CEP112: variants seen among roughly 807,000 people sequenced by gnomAD.
The protein encoded by CEP112 is centrosomal protein of 112 kDa.
Under a neutral mutation model 153.0 loss-of-function variants are expected in CEP112, and 127 were observed. The ratio of observed to expected loss-of-function variants is 0.83; its 90% CI spans 0.72 to 0.96. CEP112 has a LOEUF of 0.96. CEP112 is among the 40% of genes least tolerant of loss of function. CEP112 has a pLI of 0.00. For missense variants in CEP112, 1,089 were observed against 1,101.2 expected, an observed-to-expected ratio of 0.99 and a Z score of 0.16; for synonymous variants, 358 against 374.4, an observed-to-expected ratio of 0.96 and a Z score of 0.51.
chr17:65,879,987 A>G (rs1283528551), intron 20 of CEP112, among the ~76,000 whole-genome samples: 1 of 152,190 alleles, frequency 6.6e-6, no homozygotes, highest in Non-Finnish European at 1.5e-5. Flanking sequence ...GGAATTTTCC[A>G]GACATGGAAA....
At position 65,932,338 on chromosome 17, in the gene CEP112, G is replaced by A. The variant is rs139273768; in HGVS notation, c.1873-4649C>T. Among the ~76,000 whole-genome samples the A allele has an allele frequency of 1.3e-3, 195 of 152,148 alleles. 5 individuals are homozygous for A. In the East Asian group the frequency reaches 0.036, roughly 28 times the overall value. On this transcript the variant is annotated intron_variant, in intron 18 of 26. Transcript: ENST00000535342. ...ATCAAACGTACAGACATGAAGGTAA[G>A]TACACAAAGATTACAAAAAAAATCA...
At chr17:65,774,650 C>T (rs773890177) in intron 21 of CEP112, among the ~76,000 whole-genome samples, 1 of 152,122 alleles carries the variant, frequency 6.6e-6, no homozygotes, top group South Asian at 2.1e-4. Flanking sequence ...GTGCTGGGTG[C>T]GTAGGTGACA....
intron 21 of CEP112, among the ~76,000 whole-genome samples, chr17:65,811,377 A>C (rs2055942842): frequency 6.6e-6 from 1 of 152,140 alleles, no homozygotes; most frequent in African/African-American, 2.4e-5. Context: ...AGGGCAAAAA[A>C]CTGCTAGTGT....
At chr17:66,146,263 G>C (rs1470220757) in intron 4 of CEP112, among the ~76,000 whole-genome samples, 1 of 152,036 alleles carries the variant, frequency 6.6e-6, no homozygotes, top group Non-Finnish European at 1.5e-5. Flanking sequence ...AGATTTGTGA[G>C]GTGGTTAATT....
Position 65,961,614 on chromosome 17 carries a change from G to A in CEP112, c.1737-16C>T. On this transcript the variant is annotated splice_polypyrimidine_tract_variant and intron_variant, in intron 17 of 26. Transcript: ENST00000535342. Reference sequence around the variant, plus strand: ...CTCTTTTTCCCTAGAAAGGTTCAGAGAAGCTTCAGAGTTAAAATATAAAAG... The same window carrying A: ...CTCTTTTTCCCTAGAAAGGTTCAGAAAAGCTTCAGAGTTAAAATATAAAAG... 2.5e-6 allele frequency: 4 copies of A among 1,593,732 alleles called. No homozygotes were observed. The highest frequency in any genetic ancestry group is 1.1e-5 in the South Asian group (1 of 89,080).
chr17:65,737,611 A>G (rs232089), intron 23 of CEP112, among the ~76,000 whole-genome samples: 88,759 of 152,062 alleles, frequency 0.58, 26,474 homozygotes, highest in South Asian at 0.72. Flanking sequence ...CACACTTAAC[A>G]TAATCTCAAA....
chr17:65,681,872 G>T (rs2144249636), intron 24 of CEP112, among the ~76,000 whole-genome samples: 1 of 151,602 alleles, frequency 6.6e-6, no homozygotes, highest in East Asian at 1.9e-4. Flanking sequence ...AAGAGACAGG[G>T]TTTCACCATG....
At chr17:66,011,739 A>G (rs777467707) in intron 16 of CEP112, among the ~76,000 whole-genome samples, 1 of 152,080 alleles carries the variant, frequency 6.6e-6, no homozygotes, top group Non-Finnish European at 1.5e-5. Context: ...CATTTGGTCA[A>G]GTGTCAAATT....
chr17:65,731,237 C>T (rs1462044061), intron 23 of CEP112, among the ~76,000 whole-genome samples: 3 of 152,082 alleles, frequency 2.0e-5, no homozygotes, highest in Non-Finnish European at 1.5e-5. Context: ...AAGTTCAGTT[C>T]CTGACCACTG....
intron 21 of CEP112, among the ~76,000 whole-genome samples, chr17:65,831,705 AGAT>A (rs1233313843): frequency 6.6e-6 from 1 of 152,172 alleles, no homozygotes; most frequent in Admixed American, 6.5e-5. Context: ...ATCTTAGAAA[AGAT>A]AATACAATAA....
chr17:65,789,987 G>A (rs903406737), intron 21 of CEP112, among the ~76,000 whole-genome samples: 2 of 152,098 alleles, frequency 1.3e-5, no homozygotes, highest in Admixed American at 1.3e-4. Context: ...TCACAGGAAG[G>A]GAGTAGCAGC....
At chr17:65,758,256 A>G (rs1487383924) in intron 21 of CEP112, among the ~76,000 whole-genome samples, 1 of 151,876 alleles carries the variant, frequency 6.6e-6, no homozygotes, top group African/African-American at 2.4e-5. Context: ...GCCATTTCTG[A>G]TTGGTTGTGC....
intron 22 of CEP112, among the ~76,000 whole-genome samples, chr17:65,747,004 C>T: frequency 6.6e-6 from 1 of 151,198 alleles, no homozygotes; most frequent in South Asian, 2.1e-4. Context: ...TCATGAAAGT[C>T]ATAATAGTTA....
At chr17:66,142,492 T>TACA (rs1432254497) in intron 4 of CEP112, among the ~76,000 whole-genome samples, 1 of 152,182 alleles carries the variant, frequency 6.6e-6, no homozygotes, top group Non-Finnish European at 1.5e-5. Flanking sequence ...GATCTTATGT[T>TACA]TAAGTCTTTA....
intron 24 of CEP112, among the ~76,000 whole-genome samples, chr17:65,666,952 T>C (rs1383630140): frequency 6.6e-6 from 1 of 152,212 alleles, no homozygotes; most frequent in African/African-American, 2.4e-5. Flanking sequence ...CTTCAGGATA[T>C]TATTTAAACA....
At chr17:65,883,091 A>T (rs1165324971) in intron 20 of CEP112, among the ~76,000 whole-genome samples, 2 of 152,116 alleles carry the variant, frequency 1.3e-5, no homozygotes, top group Non-Finnish European at 1.5e-5. Flanking sequence ...CTTTTGTTTC[A>T]GTCTCTGGGT....
chr17:66,038,115 GA>G (rs1568415942), intron 12 of CEP112, among the ~76,000 whole-genome samples: 1 of 74,996 alleles, frequency 1.3e-5, no homozygotes, highest in Non-Finnish European at 3.1e-5. Flanking sequence ...AAAAAAAAAA[GA>G]AAAGAAAAGA....
At chr17:65,904,759 A>G (rs2060007028) in intron 19 of CEP112, among the ~76,000 whole-genome samples, 1 of 152,218 alleles carries the variant, frequency 6.6e-6, no homozygotes, top group Non-Finnish European at 1.5e-5. Context: ...ACAGATATAT[A>G]GGCCAATGGA....
At chr17:65,978,008 G>C (rs2063098623) in intron 17 of CEP112, among the ~76,000 whole-genome samples, 1 of 152,180 alleles carries the variant, frequency 6.6e-6, no homozygotes, top group Admixed American at 6.5e-5. Context: ...ACGGGAGGTG[G>C]AGTTTGTGGT....
Sources: gnomAD v4.1 joint callset for allele counts (sites outside exome capture counted in the v4.1 genomes callset) on GRCh38, gnomAD v4.1.1 for gene constraint, MANE v1.5 for transcripts, NCBI Gene and HGNC (gene_info 2026-07-23, HGNC 2026-07-21) for gene names.